Variants in ACTN2 observed in about 807,000 individuals in gnomAD.
ACTN2 encodes the protein actinin alpha 2.
ACTN2 carries 39 observed loss-of-function variants against 113.8 expected under a neutral mutation model. That is an observed-to-expected ratio of 0.34 (90% CI 0.27 to 0.45). The LOEUF (loss-of-function observed/expected upper bound fraction) is 0.45. Ranked by LOEUF, ACTN2 falls within the 20% of genes least tolerant of loss-of-function variation. The pLI, the probability that ACTN2 is intolerant of heterozygous loss-of-function variation, is 1.00. For synonymous variants in ACTN2, 429 were observed against 444.1 expected (o/e 0.97, Z 0.43); for missense variants, 992 against 1,177.9 (o/e 0.84, Z 2.31).
chr1:236,700,969 G>A (rs1451655586), intron 1 of ACTN2, among the ~76,000 whole-genome samples: 2 of 152,266 alleles, frequency 1.3e-5, no homozygotes, highest in South Asian at 2.1e-4. Context: ...CACAGTAGCC[G>A]GTGACCTTGG....
At chr1:236,749,371 T>C in intron 14 of ACTN2, 107 bp downstream of exon 14, 1 of 1,475,912 alleles carries the variant, frequency 6.8e-7, no homozygotes, top group Non-Finnish European at 9.3e-7. Flanking sequence ...AAAAAAAAAT[T>C]AACAAATGTG....
intron 18 of ACTN2, among the ~76,000 whole-genome samples, chr1:236,758,596 T>TTTTTTG (rs146756864): frequency 2.1e-5 from 3 of 146,236 alleles, no homozygotes; most frequent in Non-Finnish European, 3.0e-5. Flanking sequence ...GCCTTTTTTC[T>TTTTTTG]TTTTGTTTTG....
chr1:236,752,205 G>A (rs1428671241), intron 15 of ACTN2, among the ~76,000 whole-genome samples: 1 of 152,122 alleles, frequency 6.6e-6, no homozygotes, highest in Admixed American at 6.5e-5. Flanking sequence ...TTTTAAGATT[G>A]GGACATTTCT....
At chr1:236,758,935 A>G (rs547411426) in intron 18 of ACTN2, among the ~76,000 whole-genome samples, 129 of 152,298 alleles carry the variant, frequency 8.5e-4, no homozygotes, top group Non-Finnish European at 1.4e-3. Context: ...TCCAATTCTT[A>G]AAGATCACTA....
rs869155855 is a variant in ACTN2, at chr1:236,721,015, GTTTTT to G, written c.448+826_448+830del. The stretch of plus-strand genomic sequence containing the variant: ...ACAGTAGCCTCTGACTCTGGTTTTT[GTTTTT>G]TGTTTTTTTTTTTTTTTTTTTTTTT... On this transcript the variant is annotated intron_variant, in intron 4 of 20. Transcript: ENST00000366578. Among the ~76,000 whole-genome samples, 10 of 49,138 alleles carry G rather than the reference GTTTTT, an allele frequency of 2.0e-4. 1 individual carries two copies. The highest frequency in any genetic ancestry group is 2.7e-4 in the Non-Finnish European group (8 of 29,432). 32.2% of individuals were successfully genotyped at this position (49,138 alleles called of 152,430 possible).
intron 10 of ACTN2, 142 bp downstream of exon 10, chr1:236,739,674 T>A (rs1469181537): frequency 8.0e-6 from 8 of 997,944 alleles, no homozygotes; most frequent in Non-Finnish European, 1.2e-5. Flanking sequence ...TGTAACCACT[T>A]TGTTCTTAAT....
intron 5 of ACTN2, 27 bp from the exon 6 acceptor site, chr1:236,727,651 T>C (rs1413271773): frequency 1.2e-6 from 2 of 1,612,886 alleles, no homozygotes; most frequent in Middle Eastern, 1.7e-4. Flanking sequence ...CTAACACGTG[T>C]TCCTGTTCTT....
intron 1 of ACTN2, among the ~76,000 whole-genome samples, chr1:236,694,118 C>T (rs1384040554): frequency 6.6e-6 from 1 of 152,150 alleles, no homozygotes; most frequent in African/African-American, 2.4e-5. Flanking sequence ...ACCTGATGCT[C>T]TGTCTCCCCA....
chr1:236,755,015 TC>T lies in ACTN2; in HGVS notation c.1975-3del. ...CTCTCTGCTTGCTCACTCGCCCCCC[TC>T]AGGAGATTGCCCGGAGCTCCATCCA... On this transcript the variant is annotated splice_region_variant and splice_polypyrimidine_tract_variant and intron_variant, in intron 16 of 20. Transcript: ENST00000366578. 6.2e-7 allele frequency: 1 copy of T among 1,614,064 alleles called. No individual in the cohort carries two copies. Among genetic ancestry groups the T allele is most frequent in the Non-Finnish European group, 8.5e-7 (1 of 1,180,028 alleles).
rs1659511418 is a variant in ACTN2 at position 236,755,036 on chromosome 1, C to T, written c.1992C>T (p.Ser664=). The change falls in exon 17 of 21, where the codon TCC becomes TCT. Residue 664 remains serine (S), a synonymous_variant. Coordinates refer to ENST00000366578, the MANE Select transcript of ACTN2 (RefSeq NM_001103.4). ...QNKMEEIARS[S]IQITGALEDQ... Reference sequence around the variant, plus strand: ...CCCCTCAGGAGATTGCCCGGAGCTCCATCCAGATCACAGGAGCCCTGGAAG... The same window carrying T: ...CCCCTCAGGAGATTGCCCGGAGCTCTATCCAGATCACAGGAGCCCTGGAAG... The T allele has an allele frequency of 6.2e-7, 1 of 1,614,224 alleles. No homozygotes were observed. The highest frequency in any genetic ancestry group is 8.5e-7 in the Non-Finnish European group (1 of 1,180,046).
chr1:236,745,012 G>A (rs1180563237), intron 12 of ACTN2, among the ~76,000 whole-genome samples: 1 of 152,122 alleles, frequency 6.6e-6, no homozygotes, highest in African/African-American at 2.4e-5. Context: ...AGGCAGCTCC[G>A]CTTCCAGCAA....
intron 1 of ACTN2, among the ~76,000 whole-genome samples, chr1:236,701,170 T>C (rs1301124689): frequency 6.6e-6 from 1 of 152,166 alleles, no homozygotes; most frequent in Non-Finnish European, 1.5e-5. Context: ...CAGTTTAGAC[T>C]ACAAACTTTG....
chr1:236,701,381 A>G (rs1657669231), intron 1 of ACTN2, among the ~76,000 whole-genome samples: 1 of 152,146 alleles, frequency 6.6e-6, no homozygotes, highest in Admixed American at 6.5e-5. Context: ...ATATATGTAT[A>G]TATATCTCAT....
chr1:236,739,768 C>T (rs570842972), intron 10 of ACTN2, among the ~76,000 whole-genome samples: 2 of 152,332 alleles, frequency 1.3e-5, no homozygotes, highest in South Asian at 2.1e-4. Flanking sequence ...CTTTAGGAAA[C>T]GCTCGATGAA....
At chr1:236,698,017 AC>A (rs1657569194) in intron 1 of ACTN2, among the ~76,000 whole-genome samples, 1 of 146,760 alleles carries the variant, frequency 6.8e-6, no homozygotes, top group African/African-American at 2.5e-5. Flanking sequence ...CAGGTGATCC[AC>A]CTGCCGTGGC....
At chr1:236,694,423 A>G (rs967270509) in intron 1 of ACTN2, among the ~76,000 whole-genome samples, 1 of 151,450 alleles carries the variant, frequency 6.6e-6, no homozygotes, top group Non-Finnish European at 1.5e-5. Flanking sequence ...GGGTTTCTCC[A>G]TGTTGATCAG....
At chr1:236,757,869 A>G (rs1659595248) in intron 18 of ACTN2, among the ~76,000 whole-genome samples, 1 of 152,212 alleles carries the variant, frequency 6.6e-6, no homozygotes, top group African/African-American at 2.4e-5. Context: ...AATAGAATGC[A>G]TTTGTAGTTG....
intron 15 of ACTN2, among the ~76,000 whole-genome samples, chr1:236,753,600 C>T (rs140957577): frequency 7.4e-4 from 112 of 152,340 alleles, no homozygotes; most frequent in Middle Eastern, 3.4e-3. Flanking sequence ...CCTCTGTACT[C>T]TGGACCTGGC....
chr1:236,705,849 T>C (rs902439090), intron 1 of ACTN2, among the ~76,000 whole-genome samples: 8 of 152,246 alleles, frequency 5.3e-5, no homozygotes, highest in Admixed American at 1.3e-4. Context: ...TTTCCTGTTA[T>C]ACAGTCTCAG....
Sources: allele counts gnomAD v4.1 joint callset (sites outside exome capture counted in the v4.1 genomes callset), GRCh38; gene constraint gnomAD v4.1.1; transcripts MANE v1.5; gene names NCBI Gene and HGNC (gene_info 2026-07-23, HGNC 2026-07-21).